WDR27: variants seen among roughly 807,000 people sequenced by gnomAD.
The protein encoded by WDR27 is WD repeat domain 27, also known as WD repeat-containing protein 27.
Under a neutral mutation model 114.4 loss-of-function variants are expected in WDR27, and 100 were observed. The observed-to-expected ratio is 0.87, with a 90% CI of 0.74 to 1.03. The LOEUF (loss-of-function observed/expected upper bound fraction) is 1.03. WDR27 is among the 50% of genes least tolerant of loss of function. WDR27 has a pLI of 0.00. For synonymous variants in WDR27, 449 were observed against 423.1 expected (o/e 1.06, Z -0.75); for missense variants, 1,129 against 1,092.9 (o/e 1.03, Z -0.47).
intron 25 of WDR27, among the ~76,000 whole-genome samples, chr6:169,473,436 A>T (rs1306015372): frequency 6.6e-6 from 1 of 151,890 alleles, no homozygotes; most frequent in Admixed American, 6.5e-5. Context: ...AGAGATTTTT[A>T]AAGACACATA....
At chr6:169,675,627 G>A (rs1562904243) in intron 2 of WDR27, among the ~76,000 whole-genome samples, 1 of 152,140 alleles carries the variant, frequency 6.6e-6, no homozygotes, top group East Asian at 1.9e-4. Context: ...AGAAAGGCGG[G>A]ACAACTCAAA....
At chr6:169,517,131 A>G (rs1025322953) in intron 25 of WDR27, among the ~76,000 whole-genome samples, 1 of 151,990 alleles carries the variant, frequency 6.6e-6, no homozygotes, top group Admixed American at 6.6e-5. Flanking sequence ...TGCAATGGTG[A>G]GTGAGTGCTC....
chr6:169,668,343 G>A (rs1828470237), intron 4 of WDR27, among the ~76,000 whole-genome samples, 158 bp from the exon 5 acceptor site: 1 of 152,276 alleles, frequency 6.6e-6, no homozygotes, highest in Middle Eastern at 3.4e-3. Flanking sequence ...AGCTAACCCT[G>A]AGCGAATTAG....
chr6:169,527,369 G>A (rs995195006), intron 25 of WDR27, among the ~76,000 whole-genome samples: 1 of 151,122 alleles, frequency 6.6e-6, no homozygotes, highest in Admixed American at 6.6e-5. Context: ...GCATAAAAGA[G>A]GTCAGACACA....
chr6:169,678,196 C>G lies in WDR27; in HGVS notation c.190-5800G>C, dbSNP rs372707158. Among the ~76,000 whole-genome samples, 84 of 152,348 alleles carry G rather than the reference C, an allele frequency of 5.5e-4. 1 individual carries two copies. In the East Asian group the frequency reaches 0.014, roughly 25 times the overall value. ...CCTGCTCCTAGAAAAGCCGTAGGCA[C>G]TCAGCAACCAGTGAAAGCAGCCACA... On this transcript the variant is annotated intron_variant, in intron 2 of 25. Coordinates refer to ENST00000448612, the MANE Select transcript of WDR27 (RefSeq NM_182552.5).
chr6:169,539,551 T>C (rs1448125636), intron 25 of WDR27, among the ~76,000 whole-genome samples: 1 of 152,194 alleles, frequency 6.6e-6, no homozygotes, highest in African/African-American at 2.4e-5. Context: ...AATAACATGA[T>C]TCACATCTGA....
chr6:169,623,611 T>C (rs1163237024), intron 21 of WDR27, among the ~76,000 whole-genome samples: 3 of 152,176 alleles, frequency 2.0e-5, no homozygotes, highest in Admixed American at 6.5e-5. Flanking sequence ...CCAGCCAGGG[T>C]GCCCAAGAGA....
intron 23 of WDR27, among the ~76,000 whole-genome samples, chr6:169,593,847 T>A (rs1045624648): frequency 2.3e-5 from 3 of 132,330 alleles, no homozygotes; most frequent in African/African-American, 8.7e-5. Flanking sequence ...AGACTCTGTC[T>A]CAAAAAAACA....
At chr6:169,648,669 C>T (rs1170606007) in intron 15 of WDR27, among the ~76,000 whole-genome samples, 1 of 152,264 alleles carries the variant, frequency 6.6e-6, no homozygotes. Context: ...GCCCATATCT[C>T]TCCTCGGACA....
chr6:169,649,826 A>C, intron 14 of WDR27, among the ~76,000 whole-genome samples: 1 of 136,240 alleles, frequency 7.3e-6, no homozygotes, highest in Non-Finnish European at 1.6e-5. Flanking sequence ...TCACACATCC[A>C]TCTCTCATCT....
intron 25 of WDR27, chr6:169,559,762 C>T (rs1331679949): frequency 6.6e-6 from 1 of 152,228 alleles, no homozygotes; most frequent in Non-Finnish European, 1.5e-5. Context: ...GCAGAACACA[C>T]TCCTCTCTTC....
At chr6:169,519,265 T>C (rs1794054255) in intron 25 of WDR27, among the ~76,000 whole-genome samples, 1 of 152,200 alleles carries the variant, frequency 6.6e-6, no homozygotes, top group Non-Finnish European at 1.5e-5. Context: ...TTCAGATATC[T>C]TCACAGCAAT....
chr6:169,701,439 G>A (rs1788013166), intron 1 of WDR27, 112 bp downstream of exon 1: 1 of 152,262 alleles, frequency 6.6e-6, no homozygotes, highest in East Asian at 1.9e-4. Flanking sequence ...GAACCGACGG[G>A]AGGTGCAGGA....
At chr6:169,546,558 G>A (rs1338513246) in intron 25 of WDR27, among the ~76,000 whole-genome samples, 3 of 152,086 alleles carry the variant, frequency 2.0e-5, no homozygotes, top group Non-Finnish European at 4.4e-5. Context: ...AACCACTGAA[G>A]CCACCCTCTT....
At chr6:169,625,881 A>T (rs1177696740) in intron 21 of WDR27, among the ~76,000 whole-genome samples, 2 of 152,144 alleles carry the variant, frequency 1.3e-5, no homozygotes, top group Non-Finnish European at 2.9e-5. Context: ...GCTGGCCCTG[A>T]TGCCCTCCTG....
At chr6:169,630,005 C>G (rs1274761967) in intron 21 of WDR27, among the ~76,000 whole-genome samples, 1 of 150,404 alleles carries the variant, frequency 6.6e-6, no homozygotes, top group Admixed American at 6.6e-5. Flanking sequence ...ATCTTCACGA[C>G]TGAAATTTTT....
At chr6:169,670,948 G>A (rs1214797458) in intron 3 of WDR27, 1 of 446,752 alleles carries the variant, frequency 2.2e-6, no homozygotes, top group African/African-American at 2.0e-5. Context: ...TTCTCTGGAG[G>A]CTGCAGTACC....
At chr6:169,482,610 G>A (rs1202683919) in intron 25 of WDR27, among the ~76,000 whole-genome samples, 1 of 152,136 alleles carries the variant, frequency 6.6e-6, no homozygotes, top group African/African-American at 2.4e-5. Context: ...CCCACTGACA[G>A]TATTAGACAG....
At chr6:169,663,391 C>T (rs1157067367) in intron 8 of WDR27, among the ~76,000 whole-genome samples, 1 of 151,882 alleles carries the variant, frequency 6.6e-6, no homozygotes, top group Non-Finnish European at 1.5e-5. Context: ...AATGAGTAAC[C>T]AGAATGAGGA....
Sources: gnomAD v4.1 joint callset for allele counts (sites outside exome capture counted in the v4.1 genomes callset) on GRCh38, gnomAD v4.1.1 for gene constraint, MANE v1.5 for transcripts, NCBI Gene and HGNC (gene_info 2026-07-23, HGNC 2026-07-21) for gene names.